Variants in CDH2 observed in about 807,000 individuals in gnomAD.
CDH2 encodes cadherin 2, also known as cadherin-2.
A neutral mutation model predicts 92.0 loss-of-function variants in CDH2; 17 were observed. The observed-to-expected ratio is 0.18, with a 90% CI of 0.13 to 0.28. CDH2 has a LOEUF of 0.28. Among genes scored for constraint, CDH2 ranks in the 10% least tolerant of loss-of-function variants. The pLI, the probability that CDH2 is intolerant of heterozygous loss-of-function variation, is 1.00. For missense variants in CDH2, 862 were observed against 1,133.1 expected (o/e 0.76, Z 3.44); for synonymous variants, 419 against 415.9 (o/e 1.01, Z -0.09).
chr18:27,970,577 T>C (rs981057112), intron 14 of CDH2, among the ~76,000 whole-genome samples: 19 of 152,356 alleles, frequency 1.2e-4, no homozygotes, highest in Admixed American at 7.2e-4. Context: ...TTTGATTTTT[T>C]AAAATCCTTG....
intron 2 of CDH2, among the ~76,000 whole-genome samples, chr18:28,029,626 T>G (rs2013643976): frequency 6.6e-6 from 1 of 152,102 alleles, no homozygotes; most frequent in African/African-American, 2.4e-5. Flanking sequence ...ATGATTACAC[T>G]TCTATTTCAC....
intron 2 of CDH2, chr18:28,045,415 T>C (rs994459321): frequency 1.9e-5 from 9 of 468,768 alleles, no homozygotes; most frequent in Non-Finnish European, 3.1e-5. Context: ...ACCTACTCCT[T>C]TGAGTGTTAC....
rs2012106067 is a variant in CDH2 at position 27,982,972 on chromosome 18, T to C, written c.2321A>G (p.Asp774Gly). The C allele has an allele frequency of 6.2e-7, 1 of 1,605,664 alleles. No homozygotes were observed. The highest frequency in any genetic ancestry group is 8.5e-7 in the Non-Finnish European group (1 of 1,174,516). Residue 774 changes from aspartate (D) to glycine (G), a missense_variant, in exon 14 of 16, where the codon GAT becomes GGT. Around this residue, in one of 5 missense-constraint regions of CDH2, gnomAD observed 4 missense variants for 27.1 expected, o/e 0.15. Coordinates refer to ENST00000269141, the MANE Select transcript of CDH2 (RefSeq NM_001792.5). ...DDVRDNILKY[D>G]EEGGGEEDQD... ...GTCTTCTTCTCCTCCACCTTCTTCA[T>C]CATATTTTAAAATATTATCTCTTAC...
chr18:27,958,516 T>C (rs1168000113), intron 15 of CDH2, among the ~76,000 whole-genome samples: 1 of 150,138 alleles, frequency 6.7e-6, no homozygotes, highest in Non-Finnish European at 1.5e-5. Context: ...TATGTATATA[T>C]GTGTATATTT....
intron 9 of CDH2, among the ~76,000 whole-genome samples, 159 bp from the exon 10 acceptor site, chr18:27,990,509 C>T (rs1165320793): frequency 6.6e-6 from 1 of 152,152 alleles, no homozygotes; most frequent in Admixed American, 6.5e-5. Context: ...TTAGCATGGT[C>T]ACTTATCAAA....
In CDH2 at chr18:28,013,894, C is replaced by A; in HGVS notation, c.188G>T (p.Cys63Phe). The part of the protein sequence containing the change: ...QPLLNVKFSN[C>F]NGKRKVQYES... Reference sequence around the variant, plus strand: ...ATATTGTACTTTTCTTTTTCCATTGCAGTTGCTAAACTTCACTGTAAAAGA... The same window carrying A: ...ATATTGTACTTTTCTTTTTCCATTGAAGTTGCTAAACTTCACTGTAAAAGA... Residue 63 changes from cysteine to phenylalanine, a missense_variant, in exon 3 of 16, where the codon TGC (cysteine) becomes TTC (phenylalanine). Coordinates refer to ENST00000269141, the MANE Select transcript of CDH2 (RefSeq NM_001792.5). The A allele has an allele frequency of 6.2e-7, 1 of 1,611,964 alleles. No individual in the cohort carries two copies. The highest frequency in any genetic ancestry group is 8.5e-7 in the Non-Finnish European group (1 of 1,179,520).
intron 2 of CDH2, among the ~76,000 whole-genome samples, chr18:28,093,454 C>G (rs1249992777): frequency 1.3e-5 from 2 of 151,972 alleles, no homozygotes; most frequent in East Asian, 3.9e-4. Flanking sequence ...TATAGATTTT[C>G]AAAGGTTTCT....
intron 1 of CDH2, among the ~76,000 whole-genome samples, chr18:28,160,983 T>G (rs78470209): frequency 6.6e-6 from 1 of 152,332 alleles, no homozygotes; most frequent in East Asian, 1.9e-4. Context: ...TTTTCTCATC[T>G]AGCATATTCA....
intron 1 of CDH2, among the ~76,000 whole-genome samples, chr18:28,170,216 T>C (rs1327842646): frequency 6.6e-6 from 1 of 152,252 alleles, no homozygotes; most frequent in Non-Finnish European, 1.5e-5. Context: ...TAGTTTAGGT[T>C]ATCTTCATTC....
chr18:28,007,116 T>C lies in CDH2; in HGVS notation c.703-1123A>G, dbSNP rs561439159. ...CGGCAGCTGCGGTGAGCTGAGATCA[T>C]GCCACTGCACTCCAGCCTGGGCAAC... On this transcript the variant is annotated intron_variant, in intron 5 of 15. Coordinates refer to ENST00000269141, the MANE Select transcript of CDH2 (RefSeq NM_001792.5). Among the ~76,000 whole-genome samples the C allele has an allele frequency of 2.2e-3, 318 of 143,804 alleles. 1 individual carries two copies. Among genetic ancestry groups the C allele is most frequent in the Non-Finnish European group, 3.8e-3 (252 of 66,880 alleles). The allele number at this position is 143,804 out of a possible 152,430, so 94.3% of individuals were successfully genotyped here.
intron 2 of CDH2, among the ~76,000 whole-genome samples, chr18:28,099,922 T>C (rs1567998233): frequency 6.6e-6 from 1 of 152,202 alleles, no homozygotes; most frequent in African/African-American, 2.4e-5. Flanking sequence ...TGTGAAGTTA[T>C]ACATTTTTAA....
intron 2 of CDH2, among the ~76,000 whole-genome samples, chr18:28,070,727 T>C (rs1225163550): frequency 6.6e-6 from 1 of 152,102 alleles, no homozygotes; most frequent in Admixed American, 6.6e-5. Flanking sequence ...GACAACAAAG[T>C]GTAAACAAGT....
intron 14 of CDH2, among the ~76,000 whole-genome samples, chr18:27,979,408 T>C (rs1193507646): frequency 2.0e-5 from 3 of 152,162 alleles, no homozygotes; most frequent in Non-Finnish European, 4.4e-5. Context: ...AATTGTATGA[T>C]CACTTTGGAA....
intron 1 of CDH2, among the ~76,000 whole-genome samples, chr18:28,175,841 G>A (rs892492466): frequency 6.6e-6 from 1 of 152,226 alleles, no homozygotes; most frequent in Non-Finnish European, 1.5e-5. Context: ...GCGAGGGTGG[G>A]CACGCCCCTT....
intron 2 of CDH2, among the ~76,000 whole-genome samples, chr18:28,043,634 C>G (rs2014007203): frequency 6.7e-6 from 1 of 150,166 alleles, no homozygotes; most frequent in African/African-American, 2.4e-5. Context: ...TCACTCCAAA[C>G]TTTATGGTTT....
At chr18:27,957,133 C>CCCATCCATCCCATCCATCCAT (rs2011269260) in intron 15 of CDH2, among the ~76,000 whole-genome samples, 2 of 151,354 alleles carry the variant, frequency 1.3e-5, no homozygotes, top group African/African-American at 4.9e-5. Flanking sequence ...ATCCATCCAT[C>CCCATCCATCCCATCCATCCAT]CCATCCATCC....
At chr18:28,090,570 T>A (rs935937663) in intron 2 of CDH2, among the ~76,000 whole-genome samples, 6 of 152,220 alleles carry the variant, frequency 3.9e-5, no homozygotes, top group Non-Finnish European at 7.3e-5. Flanking sequence ...CCTCCACAGA[T>A]GACAATTCTC....
At chr18:28,112,583 C>A (rs2015430699) in intron 2 of CDH2, among the ~76,000 whole-genome samples, 1 of 152,182 alleles carries the variant, frequency 6.6e-6, no homozygotes, top group Non-Finnish European at 1.5e-5. Flanking sequence ...CTTAAAACTA[C>A]ATTATAGTTC....
At chr18:28,149,674 A>G (rs1242733882) in intron 1 of CDH2, among the ~76,000 whole-genome samples, 1 of 152,246 alleles carries the variant, frequency 6.6e-6, no homozygotes. Flanking sequence ...CATAGTGATA[A>G]ACATGAAATT....
Sources: allele counts gnomAD v4.1 joint callset (sites outside exome capture counted in the v4.1 genomes callset), GRCh38; gene constraint gnomAD v4.1.1; regional missense constraint gnomAD v4.1.1; transcripts MANE v1.5; gene names NCBI Gene and HGNC (gene_info 2026-07-23, HGNC 2026-07-21).